NUMBL: variants seen among roughly 807,000 people sequenced by gnomAD.
NUMBL encodes NUMB like endocytic adaptor protein, also known as numb-like protein.
A neutral mutation model predicts 48.9 loss-of-function variants in NUMBL; 20 were observed. The ratio of observed to expected loss-of-function variants is 0.41; its 90% CI spans 0.29 to 0.59. The LOEUF is 0.59. NUMBL is among the 20% of genes least tolerant of loss of function. NUMBL has a pLI of 0.31. For synonymous variants in NUMBL, 340 were observed against 348.7 expected (o/e 0.98, Z 0.28); for missense variants, 660 against 846.2 (o/e 0.78, Z 2.73).
At chr19:40,671,886 T>C (rs1568427367) in intron 8 of NUMBL, among the ~76,000 whole-genome samples, 1 of 146,112 alleles carries the variant, frequency 6.8e-6, no homozygotes, top group Non-Finnish European at 1.5e-5. Context: ...TTGCTCTTAA[T>C]TTTTTTTTTT....
chr19:40,689,141 A>G (rs1270079660), intron 1 of NUMBL, among the ~76,000 whole-genome samples: 1 of 152,096 alleles, frequency 6.6e-6, no homozygotes, highest in East Asian at 1.9e-4. Context: ...CCACTCACAC[A>G]CAGTCACAAC....
At position 40,688,965 on chromosome 19, in the gene NUMBL, CCA is replaced by C. The variant is rs2081947875; in HGVS notation, c.24+1493_24+1494del. Among the ~76,000 whole-genome samples, 1 of 152,184 alleles carries C rather than the reference CCA, an allele frequency of 6.6e-6. No homozygotes were observed. Among genetic ancestry groups the C allele is most frequent in the Non-Finnish European group, 1.5e-5 (1 of 68,032 alleles). ...TCATACACAATACTGTCACACAACC[CCA>C]GTCACACAGATACAATGTGACTTCA... On this transcript the variant is annotated intron_variant, in intron 1 of 9. Transcript: ENST00000252891. This position sits in a 1 kb window ranked among gnomAD's most constrained non-coding sequence, Gnocchi z 4.6.
intron 2 of NUMBL, among the ~76,000 whole-genome samples, chr19:40,686,388 C>T (rs1489158989): frequency 8.3e-6 from 1 of 120,042 alleles, no homozygotes; most frequent in African/African-American, 3.4e-5. Flanking sequence ...TCCTGACCTC[C>T]TGACCTCAGG....
chr19:40,677,485 A>T, intron 6 of NUMBL, 64 bp from the exon 7 acceptor site: 1 of 1,481,722 alleles, frequency 6.7e-7, no homozygotes, highest in Non-Finnish European at 9.1e-7. Flanking sequence ...GGCCAGGGGC[A>T]CTGGGTTATA....
Position 40,682,728 on chromosome 19 carries a change from C to A in NUMBL, c.399G>T (p.Lys133Asn), listed in dbSNP as rs772896179. ...GCGTCCACCCCCACAGGCCTCCTAC[C>A]TTGGTTTTGTCGTCCACCACTCGGA... ...DGLRVVDDKT[K>N]DLLVDQTIEK... Residue 133 changes from lysine (K) to asparagine (N), a missense_variant and splice_region_variant, in exon 5 of 10, where the codon AAG (lysine) becomes AAT (asparagine). Coordinates refer to ENST00000252891, the MANE Select transcript of NUMBL (RefSeq NM_004756.5). The surrounding 1 kb of genome is among the most constrained non-coding windows in gnomAD (Gnocchi z 4.0). 6.2e-7 allele frequency: 1 copy of A among 1,614,016 alleles called. No homozygotes were observed. Among genetic ancestry groups the A allele is most frequent in the Non-Finnish European group, 8.5e-7 (1 of 1,179,926 alleles).
At chr19:40,678,463 G>A (rs562508249) in intron 6 of NUMBL, among the ~76,000 whole-genome samples, 18 of 152,018 alleles carry the variant, frequency 1.2e-4, no homozygotes, top group East Asian at 5.8e-4. Flanking sequence ...ATGCCCGGCC[G>A]GGATTAATGC....
rs1017888706 is a variant in NUMBL, at chr19:40,667,219, A to T, written c.*249T>A. The stretch of plus-strand genomic sequence containing the variant: ...TGTGTCTGGGGTTGGGGAAGGGGGC[A>T]TTGCCAGCCTAAGTCCGGCAGTGAA... On this transcript the variant is annotated 3_prime_UTR_variant, in exon 10 of 10. Transcript: ENST00000252891. This position sits in a 1 kb window ranked among gnomAD's most constrained non-coding sequence, Gnocchi z 6.1. 1 of 514,726 alleles carries T rather than the reference A, an allele frequency of 1.9e-6. No individual in the cohort carries two copies. The highest frequency in any genetic ancestry group is 3.5e-5 in the Admixed American group (1 of 28,314). The allele number at this position is 514,726 out of a possible 1,614,324, so 31.9% of individuals were successfully genotyped here.
Position 40,680,956 on chromosome 19 carries a change from G to A in NUMBL, c.501C>T (p.Arg167=), listed in dbSNP as rs894026367. Residue 167 remains arginine (R), a synonymous_variant, in exon 6 of 10, where the codon CGC becomes CGT. Transcript: ENST00000252891. ...FSYICRDGTT[R]RWICHCFLAL... is the part of the protein sequence containing the mutation. ...CCAGAAAACAGTGGCAGATCCAGCG[G>A]CGGGTAGTCCCGTCACGACAGATAT... The A allele has an allele frequency of 3.2e-5, 51 of 1,614,064 alleles. No homozygotes were observed. Among genetic ancestry groups the A allele is most frequent in the Non-Finnish European group, 4.2e-5 (50 of 1,180,020 alleles).
intron 2 of NUMBL, 47 bp downstream of exon 2, chr19:40,686,864 G>C (rs536945428): frequency 8.5e-7 from 1 of 1,182,442 alleles, no homozygotes; most frequent in Non-Finnish European, 1.2e-6. Context: ...TGTTAGGCAA[G>C]ACCACATACC....
intron 9 of NUMBL, among the ~76,000 whole-genome samples, chr19:40,668,537 C>A (rs182335462): frequency 1.7e-4 from 26 of 152,292 alleles, no homozygotes; most frequent in African/African-American, 6.3e-4. Context: ...GGGCTCACTG[C>A]AACCTCTGCC....
At chr19:40,679,445 G>C (rs1048044254) in intron 6 of NUMBL, among the ~76,000 whole-genome samples, 1 of 152,158 alleles carries the variant, frequency 6.6e-6, no homozygotes, top group Non-Finnish European at 1.5e-5. Context: ...TTGGGAGGCA[G>C]AGGCAGGCGG....
At chr19:40,686,578 A>G (rs896797375) in intron 2 of NUMBL, among the ~76,000 whole-genome samples, 20 of 152,114 alleles carry the variant, frequency 1.3e-4, no homozygotes, top group Admixed American at 1.2e-3. Flanking sequence ...ATGTGTGTAC[A>G]TTAGTGTGAT....
In NUMBL at chr19:40,690,529, G is replaced by T; in HGVS notation, c.-46C>A. 8.4e-7 allele frequency: 1 copy of T among 1,190,504 alleles called. No individual in the cohort carries two copies. Among genetic ancestry groups the T allele is most frequent in the Non-Finnish European group, 1.1e-6 (1 of 948,362 alleles). The allele number at this position is 1,190,504 out of a possible 1,614,324, so 73.7% of individuals were successfully genotyped here. ...CCTCCCGCGGCCCTGGCTGGGCCTG[G>T]CTCCCCGACTGCTGCTGCTGCGGTG... is the stretch of plus-strand genomic sequence containing the variant. On this transcript the variant is annotated 5_prime_UTR_variant, in exon 1 of 10. Coordinates refer to ENST00000252891, the MANE Select transcript of NUMBL (RefSeq NM_004756.5).
rs1280347696 is a variant in NUMBL, at chr19:40,673,593, A to T, written c.787T>A (p.Ser263Thr). The T allele has an allele frequency of 6.5e-7, 1 of 1,534,700 alleles. No individual in the cohort carries two copies. The highest frequency in any genetic ancestry group is 1.2e-5 in the South Asian group (1 of 82,652). The stretch of plus-strand genomic sequence containing the variant: ...GGGGATGTGGTGGCTGGTGTCGGGG[A>T]CACGTGCCCAGGCTGGGCAGGGCCA... ...APGPAQPGHV[S>T]PTPATTSPGE... The change falls in exon 8 of 10, where the codon TCC (serine) becomes ACC (threonine). Residue 263 changes from serine (S) to threonine (T), a missense_variant. Ser to Thr is a moderately conservative substitution (Grantham distance 58). Around this residue, in one of 3 missense-constraint regions of NUMBL, gnomAD observed 278 missense variants for 420.6 expected, o/e 0.66. Transcript: ENST00000252891. The surrounding 1 kb of genome is among the most constrained non-coding windows in gnomAD (Gnocchi z 5.9).
rs564745061 is a variant in NUMBL at position 40,677,815 on chromosome 19, T to G, written c.541-394A>C. 2.6e-5 allele frequency among the ~76,000 whole-genome samples: 4 copies of G among 152,218 alleles called. No homozygotes were observed. In the East Asian group the frequency reaches 7.7e-4, roughly 29 times the overall value. On this transcript the variant is annotated intron_variant, in intron 6 of 9. Transcript: ENST00000252891. ...AGCAGCTATGATGGGGCAACTGCAC[T>G]CCAGCTTGGGTGACAGAGTGAGATT...
chr19:40,684,370 CG>C, intron 3 of NUMBL, 46 bp downstream of exon 3: 2 of 1,525,848 alleles, frequency 1.3e-6, no homozygotes, highest in Non-Finnish European at 1.8e-6. Flanking sequence ...CACAGCACAG[CG>C]GCCCCCGTCC....
At position 40,668,043 on chromosome 19, in the gene NUMBL, C is replaced by T; in HGVS notation, c.1255G>A (p.Glu419Lys). ...TPSEAERWLEEVSQVAKAQQQ... is the reference protein window; with the variant it reads ...TPSEAERWLEKVSQVAKAQQQ... ...TGGGCCTTGGCCACCTGTGACACCT[C>T]CTCCAGCCATCGCTCAGCCTCTGAA... The change falls in exon 10 of 10, where the codon GAG becomes AAG. Residue 419 changes from glutamate to lysine, a missense_variant. This residue lies in a region of NUMBL where 296 missense variants were observed against 339.7 expected (regional missense o/e 0.87). Coordinates refer to ENST00000252891, the MANE Select transcript of NUMBL (RefSeq NM_004756.5). 6.3e-7 allele frequency: 1 copy of T among 1,582,870 alleles called. No individual in the cohort carries two copies. Among genetic ancestry groups the T allele is most frequent in the South Asian group, 1.2e-5 (1 of 86,586 alleles).
rs2081940209 is a variant in NUMBL, at chr19:40,687,336, G to A, written c.25-341C>T. On this transcript the variant is annotated intron_variant, in intron 1 of 9. Transcript: ENST00000252891. This position sits in a 1 kb window ranked among gnomAD's most constrained non-coding sequence, Gnocchi z 4.6. ...TATCTACAGGTGTCCCTAGCATCTG[G>A]CCACAGCTTTACACACTTGGTTACA... is the stretch of plus-strand genomic sequence containing the variant. Among the ~76,000 whole-genome samples the A allele has an allele frequency of 6.6e-6, 1 of 152,100 alleles. No individual in the cohort carries two copies. Among genetic ancestry groups the A allele is most frequent in the Non-Finnish European group, 1.5e-5 (1 of 68,016 alleles).
intron 7 of NUMBL, among the ~76,000 whole-genome samples, chr19:40,676,822 A>G (rs187161525): frequency 5.3e-5 from 8 of 151,664 alleles, no homozygotes; most frequent in Middle Eastern, 3.4e-3. Flanking sequence ...TTATTTATTT[A>G]TTTATTTTTT....
Sources: allele counts gnomAD v4.1 joint callset (sites outside exome capture counted in the v4.1 genomes callset), GRCh38; gene constraint gnomAD v4.1.1; regional missense constraint gnomAD v4.1.1; non-coding constraint Gnocchi (gnomAD v3.1); transcripts MANE v1.5; gene names NCBI Gene and HGNC (gene_info 2026-07-23, HGNC 2026-07-21).